The following HPSE2 variants were observed in gnomAD, a reference collection of about 807,000 sequenced individuals.
HPSE2 encodes the protein heparanase 2 (inactive).
Under a neutral mutation model 60.5 loss-of-function variants are expected in HPSE2, and 38 were observed. That is an observed-to-expected ratio of 0.63 (90% CI 0.48 to 0.82). The LOEUF (loss-of-function observed/expected upper bound fraction) is 0.82, where lower values mean the gene tolerates loss of function less well. HPSE2 is among the 40% of genes least tolerant of loss of function. HPSE2 has a pLI of 0.00. For synonymous variants in HPSE2, 295 were observed against 293.2 expected (o/e 1.01, Z -0.06); for missense variants, 713 against 740.4 (o/e 0.96, Z 0.43).
chr10:98,473,968 A>C (rs1591230620), intron 11 of HPSE2, among the ~76,000 whole-genome samples: 1 of 152,350 alleles, frequency 6.6e-6, no homozygotes, highest in Non-Finnish European at 1.5e-5. Flanking sequence ...GTCATCTTTT[A>C]CTAACTATAG....
At chr10:99,227,845 A>G (rs1849520689) in intron 2 of HPSE2, among the ~76,000 whole-genome samples, 1 of 144,658 alleles carries the variant, frequency 6.9e-6, no homozygotes, top group African/African-American at 2.5e-5. Context: ...GTCTATATAT[A>G]TATATAAAGT....
intron 3 of HPSE2, among the ~76,000 whole-genome samples, chr10:98,798,948 T>C (rs926344135): frequency 2.0e-5 from 3 of 152,088 alleles, no homozygotes; most frequent in Non-Finnish European, 4.4e-5. Flanking sequence ...AATGATAACA[T>C]TGAATGGAAA....
At chr10:99,148,288 T>C (rs954656973) in intron 2 of HPSE2, among the ~76,000 whole-genome samples, 3 of 152,198 alleles carry the variant, frequency 2.0e-5, no homozygotes, top group African/African-American at 7.2e-5. Context: ...TACATTTCTT[T>C]AGCTACTGTT....
the HPSE2 span, among the ~76,000 whole-genome samples, chr10:99,269,423 T>A: frequency 6.6e-6 from 1 of 152,262 alleles, no homozygotes; most frequent in South Asian, 2.1e-4. Flanking sequence ...AATATATATA[T>A]GTAACTAACA....
intron 2 of HPSE2, among the ~76,000 whole-genome samples, chr10:99,200,981 G>A (rs1470901742): frequency 2.0e-5 from 3 of 152,108 alleles, no homozygotes; most frequent in African/African-American, 7.2e-5. Flanking sequence ...GCTTTTAGGA[G>A]AGGACTCAGG....
intron 3 of HPSE2, among the ~76,000 whole-genome samples, chr10:98,860,476 AAAATT>A (rs1201627073): frequency 6.6e-6 from 1 of 152,204 alleles, no homozygotes; most frequent in Admixed American, 6.5e-5. Context: ...ATGAGTTAAG[AAAATT>A]GAGCATTTTC....
intron 3 of HPSE2, among the ~76,000 whole-genome samples, chr10:99,016,727 C>T (rs1957151314): frequency 6.6e-6 from 1 of 152,002 alleles, no homozygotes; most frequent in Non-Finnish European, 1.5e-5. Context: ...TTGTAGTTCT[C>T]CTTATAGAGA....
chr10:98,635,617 C>CA (rs1946476630), intron 7 of HPSE2, among the ~76,000 whole-genome samples: 1 of 151,784 alleles, frequency 6.6e-6, no homozygotes, highest in South Asian at 2.1e-4. Flanking sequence ...CTTGTCTCTA[C>CA]AAAAAAATTA....
At chr10:98,974,976 AG>A (rs1383221191) in intron 3 of HPSE2, among the ~76,000 whole-genome samples, 2 of 152,220 alleles carry the variant, frequency 1.3e-5, no homozygotes, top group Admixed American at 6.5e-5. Context: ...TTGTTATTCT[AG>A]TATTCAATAT....
At chr10:98,754,305 T>A (rs543687326) in intron 3 of HPSE2, among the ~76,000 whole-genome samples, 1 of 151,668 alleles carries the variant, frequency 6.6e-6, no homozygotes, top group African/African-American at 2.4e-5. Context: ...CAGACAAACA[T>A]AGGGAAAAAA....
chr10:98,778,237 A>C (rs1950383486), intron 3 of HPSE2, among the ~76,000 whole-genome samples: 1 of 144,932 alleles, frequency 6.9e-6, no homozygotes, highest in Non-Finnish European at 1.5e-5. Flanking sequence ...AAATCTGGAG[A>C]CTGCAGGATG....
At chr10:98,511,137 T>G (rs1455005804) in intron 9 of HPSE2, among the ~76,000 whole-genome samples, 1 of 151,356 alleles carries the variant, frequency 6.6e-6, no homozygotes, top group East Asian at 1.9e-4. Context: ...GCTGTTTTTT[T>G]TTTGTTTGTT....
rs965861862 is a variant in HPSE2, at chr10:98,616,417, T to C, written c.1206-1399A>G. On this transcript the variant is annotated intron_variant, in intron 8 of 11. Transcript: ENST00000370552. ...CTGGATAAAATTAGATTCTCGGAAC[T>C]TTGAGAATCACCATTCAGCACACTG... Among the ~76,000 whole-genome samples, 4 of 152,214 alleles carry C rather than the reference T, an allele frequency of 2.6e-5. No individual in the cohort carries two copies. The East Asian group carries it at 7.7e-4, about 29-fold the overall frequency.
At chr10:99,046,586 C>T (rs940314110) in intron 3 of HPSE2, among the ~76,000 whole-genome samples, 15 of 152,192 alleles carry the variant, frequency 9.9e-5, no homozygotes, top group Admixed American at 2.6e-4. Flanking sequence ...ACCCTAAAGA[C>T]TCCCCAAAAG....
At chr10:98,503,163 G>T (rs1335136928) in intron 9 of HPSE2, among the ~76,000 whole-genome samples, 1 of 146,968 alleles carries the variant, frequency 6.8e-6, no homozygotes, top group Non-Finnish European at 1.5e-5. Context: ...AGTGAGCCAA[G>T]ATCGCGCCAT....
intron 5 of HPSE2, among the ~76,000 whole-genome samples, chr10:98,720,844 A>G (rs1230779860): frequency 6.6e-6 from 1 of 152,316 alleles, no homozygotes; most frequent in East Asian, 1.9e-4. Flanking sequence ...ATGTGAAGCA[A>G]TGAGTAAAAA....
chr10:99,308,750 T>C, the HPSE2 span, among the ~76,000 whole-genome samples: 2 of 136,582 alleles, frequency 1.5e-5, no homozygotes, highest in East Asian at 2.1e-4. Context: ...CAGTAATTCT[T>C]GATCACTGAA....
At chr10:98,753,704 A>C (rs1410461723) in intron 3 of HPSE2, among the ~76,000 whole-genome samples, 2 of 152,188 alleles carry the variant, frequency 1.3e-5, no homozygotes, top group Admixed American at 6.5e-5. Context: ...TGGGCCTGGT[A>C]CCAGCCCCCC....
intron 3 of HPSE2, among the ~76,000 whole-genome samples, chr10:99,058,746 CAT>C (rs1472467986): frequency 6.6e-6 from 1 of 151,882 alleles, no homozygotes. Context: ...TTTTCACAAA[CAT>C]ATATGTGTTT....
Sources: allele counts gnomAD v4.1 joint callset (sites outside exome capture counted in the v4.1 genomes callset), GRCh38; gene constraint gnomAD v4.1.1; transcripts MANE v1.5; gene names NCBI Gene and HGNC (gene_info 2026-07-23, HGNC 2026-07-21).